DCC: variants seen among roughly 807,000 people sequenced by gnomAD.
The protein encoded by DCC is DCC netrin 1 receptor.
In DCC, 58 loss-of-function variants were observed where a neutral mutation model predicts 172.5. The observed-to-expected ratio is 0.34, with a 90% CI of 0.27 to 0.42. The LOEUF (loss-of-function observed/expected upper bound fraction) is 0.42, where lower values mean the gene tolerates loss of function less well. Among genes scored for constraint, DCC ranks in the 10% least tolerant of loss-of-function variants. The pLI is 1.00. For missense variants in DCC, 1,740 were observed against 1,791.0 expected (o/e 0.97, Z 0.51); for synonymous variants, 709 against 644.5 (o/e 1.10, Z -1.52).
At chr18:52,841,750 C>CA (rs2038811212) in intron 2 of DCC, among the ~76,000 whole-genome samples, 1 of 152,190 alleles carries the variant, frequency 6.6e-6, no homozygotes, top group African/African-American at 2.4e-5. Context: ...CAAAAGCTTA[C>CA]AGCTGCCTCT....
In DCC at chr18:52,515,606, CAA is replaced by C. The variant is rs58112743; in HGVS notation, c.91+174747_91+174748del. ...TGGGCGACAGAGCGAAACCCTGTCT[CAA>C]AAAAAAAAAAAAAAAAAATCATACA... On this transcript the variant is annotated intron_variant, in intron 1 of 28. Coordinates refer to ENST00000442544, the MANE Select transcript of DCC (RefSeq NM_005215.4). Among the ~76,000 whole-genome samples the C allele has an allele frequency of 4.4e-3, 45 of 10,332 alleles. 4 individuals carry two copies. Among genetic ancestry groups the C allele is most frequent in the Admixed American group, 0.017 (9 of 544 alleles). 6.8% of individuals were successfully genotyped at this position (10,332 alleles called of 152,430 possible).
chr18:52,882,447 G>T (rs35287057), intron 2 of DCC, among the ~76,000 whole-genome samples: 52,027 of 151,552 alleles, frequency 0.34, 10,489 homozygotes, highest in Non-Finnish European at 0.47. Context: ...TCTTGGTGGT[G>T]CTTTTACTGT....
chr18:53,318,346 C>T (rs1420237830), intron 13 of DCC, among the ~76,000 whole-genome samples: 1 of 152,156 alleles, frequency 6.6e-6, no homozygotes, highest in African/African-American at 2.4e-5. Context: ...GTCTAAGAGA[C>T]TATTTGTTAT....
At chr18:53,286,415 C>T (rs1023046587) in intron 12 of DCC, among the ~76,000 whole-genome samples, 5 of 152,176 alleles carry the variant, frequency 3.3e-5, no homozygotes, top group Admixed American at 3.3e-4. Flanking sequence ...TCTTGTTGAC[C>T]ATCATGAGAT....
intron 1 of DCC, among the ~76,000 whole-genome samples, chr18:52,694,795 C>A (rs964749195): frequency 7.9e-5 from 12 of 152,058 alleles, no homozygotes; most frequent in African/African-American, 2.7e-4. Context: ...AGTCACATTT[C>A]TATGCCCAAA....
chr18:52,481,861 C>A (rs1354666579), intron 1 of DCC, among the ~76,000 whole-genome samples: 3 of 151,952 alleles, frequency 2.0e-5, no homozygotes, highest in Admixed American at 2.0e-4. Context: ...AATGTATGAT[C>A]ATGTATTACT....
intron 12 of DCC, among the ~76,000 whole-genome samples, chr18:53,224,314 A>T (rs7243008): frequency 0.35 from 53,039 of 152,046 alleles, 10,570 homozygotes; most frequent in Non-Finnish European, 0.46. Flanking sequence ...GGGCAAAAGC[A>T]GTAAGGAGGG....
intron 1 of DCC, among the ~76,000 whole-genome samples, chr18:52,351,302 C>T (rs1984111208): frequency 6.6e-6 from 1 of 152,130 alleles, no homozygotes; most frequent in African/African-American, 2.4e-5. Flanking sequence ...TCTCTCTCTC[C>T]AGTAGTAGCT....
At chr18:52,659,759 T>C (rs2035321706) in intron 1 of DCC, among the ~76,000 whole-genome samples, 4 of 151,932 alleles carry the variant, frequency 2.6e-5, no homozygotes, top group African/African-American at 9.7e-5. Context: ...AAATCTTAAG[T>C]TGTAGTTAAA....
chr18:52,636,005 C>T (rs752152077), intron 1 of DCC, among the ~76,000 whole-genome samples: 5 of 152,146 alleles, frequency 3.3e-5, no homozygotes, highest in Admixed American at 2.6e-4. Context: ...TGGGAGACAC[C>T]GCAAATACTG....
chr18:53,352,867 C>G (rs2057829024), intron 15 of DCC, among the ~76,000 whole-genome samples: 2 of 151,960 alleles, frequency 1.3e-5, no homozygotes, highest in Admixed American at 1.3e-4. Context: ...TATTTTTAAT[C>G]ATTCATCTTA....
intron 7 of DCC, among the ~76,000 whole-genome samples, chr18:53,108,150 T>C (rs1013500195): frequency 1.4e-5 from 2 of 144,158 alleles, no homozygotes; most frequent in African/African-American, 2.6e-5. Flanking sequence ...AAGACTTATA[T>C]GGAAGAATGC....
chr18:53,250,773 T>C (rs1056415950), intron 12 of DCC, among the ~76,000 whole-genome samples: 1 of 151,906 alleles, frequency 6.6e-6, no homozygotes, highest in Non-Finnish European at 1.5e-5. Flanking sequence ...AACTGCTTAC[T>C]CTCTGTTCTT....
At chr18:53,091,815 C>A (rs991079692) in intron 7 of DCC, among the ~76,000 whole-genome samples, 1 of 67,542 alleles carries the variant, frequency 1.5e-5, no homozygotes. Context: ...GTACATATAT[C>A]TATCTATCTA....
chr18:53,269,693 A>G (rs893909316), intron 12 of DCC, among the ~76,000 whole-genome samples: 5 of 152,076 alleles, frequency 3.3e-5, no homozygotes. Context: ...CTATTATTGA[A>G]CCCTTTTGGT....
chr18:53,209,666 A>G (rs1268876066), intron 11 of DCC, among the ~76,000 whole-genome samples: 2 of 152,228 alleles, frequency 1.3e-5, no homozygotes, highest in Admixed American at 1.3e-4. Flanking sequence ...ATCATTTTTA[A>G]TGTAATTCTT....
intron 13 of DCC, 66 bp downstream of exon 13, chr18:53,305,785 A>G (rs1314161836): frequency 2.6e-6 from 4 of 1,511,002 alleles, no homozygotes; most frequent in Non-Finnish European, 3.7e-6. Flanking sequence ...AATAAAATAT[A>G]GTCTCACTCC....
At chr18:53,319,115 C>G (rs2057377670) in intron 13 of DCC, among the ~76,000 whole-genome samples, 1 of 152,070 alleles carries the variant, frequency 6.6e-6, no homozygotes, top group Non-Finnish European at 1.5e-5. Context: ...GAAGGAAGCA[C>G]TAAATATGGA....
At chr18:52,750,639 G>A (rs948403231) in intron 1 of DCC, among the ~76,000 whole-genome samples, 2 of 152,144 alleles carry the variant, frequency 1.3e-5, no homozygotes, top group Non-Finnish European at 2.9e-5. Flanking sequence ...ATGCAGGAAC[G>A]AAGCAAATAA....
Sources: allele counts gnomAD v4.1 joint callset (sites outside exome capture counted in the v4.1 genomes callset), GRCh38; gene constraint gnomAD v4.1.1; transcripts MANE v1.5; gene names NCBI Gene and HGNC (gene_info 2026-07-23, HGNC 2026-07-21).